MRTFB: variants seen among roughly 807,000 people sequenced by gnomAD.
The protein encoded by MRTFB is myocardin-related transcription factor B.
In MRTFB, 29 loss-of-function variants were observed where a neutral mutation model predicts 104.2. That is an observed-to-expected ratio of 0.28 (90% CI 0.21 to 0.38). MRTFB has a LOEUF of 0.38. Among genes scored for constraint, MRTFB ranks in the 10% least tolerant of loss-of-function variants. The probability of loss-of-function intolerance (pLI) is 1.00; values close to 1 mark genes in which losing one functional copy is unlikely to be tolerated. For missense variants in MRTFB, 1,270 were observed against 1,341.6 expected (o/e 0.95, Z 0.83); for synonymous variants, 535 against 519.5 (o/e 1.03, Z -0.41).
At chr16:14,007,393 G>T in the MRTFB span, among the ~76,000 whole-genome samples, 2 of 152,264 alleles carry the variant, frequency 1.3e-5, no homozygotes, top group African/African-American at 4.8e-5. Context: ...GTTCCCCCAT[G>T]TTGCGGCAGG....
the MRTFB span, among the ~76,000 whole-genome samples, chr16:14,047,849 T>A: frequency 6.6e-6 from 1 of 152,076 alleles, no homozygotes; most frequent in Non-Finnish European, 1.5e-5. Flanking sequence ...ATTACTCTGC[T>A]CCCAGCCCCT....
At chr16:14,189,794 A>T (rs1413082652) in intron 3 of MRTFB, among the ~76,000 whole-genome samples, 1 of 151,966 alleles carries the variant, frequency 6.6e-6, no homozygotes, top group Admixed American at 6.5e-5. Flanking sequence ...ATACGTGTCC[A>T]CTCTCAGGGC....
chr16:14,081,234 C>T (rs2034378048), intron 2 of MRTFB, among the ~76,000 whole-genome samples: 2 of 149,974 alleles, frequency 1.3e-5, no homozygotes, highest in South Asian at 4.2e-4. Flanking sequence ...TTTTAACTTG[C>T]ATTTATTAGT....
intron 2 of MRTFB, among the ~76,000 whole-genome samples, chr16:14,083,638 T>C (rs1301220236): frequency 3.3e-5 from 5 of 152,154 alleles, no homozygotes; most frequent in African/African-American, 1.2e-4. Context: ...CTGCCTAGGG[T>C]TGGGGAGTGG....
intron 3 of MRTFB, among the ~76,000 whole-genome samples, chr16:14,186,171 A>G (rs910651074): frequency 3.9e-5 from 6 of 152,234 alleles, no homozygotes; most frequent in Non-Finnish European, 8.8e-5. Flanking sequence ...ATTGCAGTAC[A>G]TTTCCCTATT....
intron 15 of MRTFB, among the ~76,000 whole-genome samples, chr16:14,252,887 C>T (rs1172745669): frequency 6.6e-6 from 1 of 152,132 alleles, no homozygotes; most frequent in Admixed American, 6.5e-5. Context: ...ATCACTGTTA[C>T]ACCTGGCTGA....
intron 2 of MRTFB, among the ~76,000 whole-genome samples, chr16:14,108,857 C>T (rs1211650278): frequency 1.3e-5 from 2 of 152,212 alleles, no homozygotes; most frequent in East Asian, 1.9e-4. Flanking sequence ...ATCGTCTCCC[C>T]TGCCGAATAC....
At chr16:14,019,655 A>G in the MRTFB span, among the ~76,000 whole-genome samples, 1 of 152,276 alleles carries the variant, frequency 6.6e-6, no homozygotes, top group Non-Finnish European at 1.5e-5. Flanking sequence ...TTCACGTCCT[A>G]TTTCCAGGTG....
intron 3 of MRTFB, among the ~76,000 whole-genome samples, chr16:14,174,889 A>G (rs908367491): frequency 3.9e-5 from 6 of 152,210 alleles, no homozygotes; most frequent in African/African-American, 1.4e-4. Context: ...CAGTTATTAC[A>G]GGTGGGATTT....
intron 2 of MRTFB, among the ~76,000 whole-genome samples, chr16:14,109,787 T>G (rs1214318738): frequency 1.3e-5 from 2 of 152,240 alleles, no homozygotes; most frequent in African/African-American, 2.4e-5. Flanking sequence ...GAATGTTGCC[T>G]GTAAAGAAAT....
intron 3 of MRTFB, among the ~76,000 whole-genome samples, chr16:14,184,369 T>C (rs1311229050): frequency 6.6e-6 from 1 of 152,032 alleles, no homozygotes; most frequent in African/African-American, 2.4e-5. Context: ...ATTATAGGTA[T>C]GTGCTACCAT....
chr16:14,041,918 C>T, the MRTFB span, among the ~76,000 whole-genome samples: 5 of 152,044 alleles, frequency 3.3e-5, no homozygotes, highest in South Asian at 8.3e-4. Context: ...AAGAGCTAAA[C>T]TCTGTCTCAA....
chr16:14,071,598 G>T (rs888880496), intron 1 of MRTFB, among the ~76,000 whole-genome samples: 1 of 152,038 alleles, frequency 6.6e-6, no homozygotes, highest in African/African-American at 2.4e-5. Context: ...CTCGCGCCCG[G>T]GCGCGACCCC....
chr16:14,049,500 C>G, the MRTFB span, among the ~76,000 whole-genome samples: 2 of 152,082 alleles, frequency 1.3e-5, no homozygotes, highest in Non-Finnish European at 2.9e-5. Context: ...AGGAACTGTT[C>G]CAGATTAAAT....
intron 2 of MRTFB, among the ~76,000 whole-genome samples, chr16:14,085,457 C>CAA (rs386384321): frequency 0.088 from 5,458 of 61,694 alleles, 347 homozygotes; most frequent in East Asian, 0.35. Flanking sequence ...AATTCCATCT[C>CAA]AAAAAAAAAA....
chr16:14,179,803 G>A (rs932218618), intron 3 of MRTFB, among the ~76,000 whole-genome samples: 5 of 152,204 alleles, frequency 3.3e-5, no homozygotes, highest in Admixed American at 6.5e-5. Flanking sequence ...GCTAGTCAGC[G>A]TGGTCCATAT....
At chr16:14,011,601 TA>T in the MRTFB span, among the ~76,000 whole-genome samples, 1 of 152,210 alleles carries the variant, frequency 6.6e-6, no homozygotes, top group African/African-American at 2.4e-5. Context: ...ATAAAATTAT[TA>T]TTGCCAGGTG....
intron 16 of MRTFB, among the ~76,000 whole-genome samples, chr16:14,259,666 A>G (rs543958708): frequency 1.4e-3 from 220 of 152,290 alleles, no homozygotes; most frequent in African/African-American, 5.0e-3. Context: ...CAGGAGCATC[A>G]CCAGAACCCA....
At chr16:14,120,704 C>A (rs1306949810) in intron 2 of MRTFB, among the ~76,000 whole-genome samples, 5 of 152,144 alleles carry the variant, frequency 3.3e-5, no homozygotes, top group Non-Finnish European at 7.3e-5. Context: ...TATATTGATA[C>A]ATTATGCAAG....
Sources: gnomAD v4.1 joint callset for allele counts (sites outside exome capture counted in the v4.1 genomes callset) on GRCh38, gnomAD v4.1.1 for gene constraint, MANE v1.5 for transcripts, NCBI Gene and HGNC (gene_info 2026-07-23, HGNC 2026-07-21) for gene names.